The following BTAF1 variants were observed in gnomAD, a reference collection of about 807,000 sequenced individuals.
BTAF1 encodes TATA-binding protein-associated factor 172.
Under a neutral mutation model 227.1 loss-of-function variants are expected in BTAF1, and 38 were observed. The observed-to-expected ratio is 0.17, with a 90% CI of 0.13 to 0.22. BTAF1 has a LOEUF of 0.22. Among genes scored for constraint, BTAF1 ranks in the 10% least tolerant of loss-of-function variants. The pLI is 1.00. For synonymous variants in BTAF1, 742 were observed against 751.9 expected (o/e 0.99, Z 0.21); for missense variants, 1,598 against 2,204.0 (o/e 0.73, Z 5.51).
At chr10:91,993,896 AT>A in intron 22 of BTAF1, 49 bp downstream of exon 22, 1 of 1,395,082 alleles carries the variant, frequency 7.2e-7, no homozygotes, top group East Asian at 2.5e-5. Context: ...TTTAATGTCT[AT>A]TAATTGAATA....
Position 91,984,272 on chromosome 10 carries a change from C to T in BTAF1, c.2295C>T (p.Asp765=), listed in dbSNP as rs555158599. 4.8e-5 allele frequency: 77 copies of T among 1,613,808 alleles called. No individual in the cohort carries two copies. In the South Asian group the frequency reaches 6.0e-4, roughly 13 times the overall value. ...LDILSEHLYY[D]EIAVPFTRMQ... The stretch of plus-strand genomic sequence containing the variant: ...TCCTTTCAGAACATTTATATTATGA[C>T]GAAATTGCCGTTCCATTCACACGAA... Residue 765 remains aspartate (D), a synonymous_variant, in exon 19 of 38, where the codon GAC becomes GAT. Transcript: ENST00000265990.
At chr10:91,953,579 G>A (rs1845906813) in intron 5 of BTAF1, among the ~76,000 whole-genome samples, 158 bp from the exon 6 acceptor site, 1 of 152,140 alleles carries the variant, frequency 6.6e-6, no homozygotes, top group Non-Finnish European at 1.5e-5. Flanking sequence ...TGAAATTATG[G>A]TACAGTCATA....
intron 4 of BTAF1, among the ~76,000 whole-genome samples, chr10:91,944,430 T>C (rs911909296): frequency 1.2e-4 from 18 of 152,240 alleles, no homozygotes; most frequent in Non-Finnish European, 2.6e-4. Flanking sequence ...GGGCTTCGCC[T>C]GGAATGAGAG....
chr10:91,958,602 T>C (rs768504990), intron 8 of BTAF1, among the ~76,000 whole-genome samples: 11 of 151,902 alleles, frequency 7.2e-5, no homozygotes, highest in Non-Finnish European at 1.6e-4. Context: ...CTTGGGGGGC[T>C]TGAGGCAGGA....
chr10:91,939,647 A>G (rs1844863736), intron 2 of BTAF1, among the ~76,000 whole-genome samples: 1 of 152,138 alleles, frequency 6.6e-6, no homozygotes, highest in African/African-American at 2.4e-5. Context: ...CATGTTGGCC[A>G]AGCTGGTCTT....
At chr10:91,974,776 C>T (rs575984023) in intron 14 of BTAF1, among the ~76,000 whole-genome samples, 23 of 152,180 alleles carry the variant, frequency 1.5e-4, no homozygotes, top group African/African-American at 4.3e-4. Context: ...CACTTGAGCC[C>T]GGGAGGCAGA....
At chr10:91,945,793 A>G (rs1411621967) in intron 4 of BTAF1, among the ~76,000 whole-genome samples, 1 of 152,228 alleles carries the variant, frequency 6.6e-6, no homozygotes, top group Non-Finnish European at 1.5e-5. Context: ...TCTTTGGGGT[A>G]TATACCCAGA....
rs1851550153 is a variant in BTAF1 at position 92,026,843 on chromosome 10, G to A, written c.5235+92G>A. ...GAAACCTTGGTTTAGTTCTTGCTCT[G>A]GTGTTAACATACATGTGTTATGACC... is the stretch of plus-strand genomic sequence containing the variant. On this transcript the variant is annotated intron_variant, in intron 36 of 37. Transcript: ENST00000265990. 2.2e-6 allele frequency: 3 copies of A among 1,346,072 alleles called. No individual in the cohort carries two copies. The South Asian group carries it at 4.3e-5, about 19-fold the overall frequency. 83.4% of individuals were successfully genotyped at this position (1,346,072 alleles called of 1,614,324 possible).
intron 1 of BTAF1, among the ~76,000 whole-genome samples, chr10:91,931,535 C>G (rs1426765517): frequency 2.0e-5 from 3 of 152,096 alleles, no homozygotes; most frequent in Non-Finnish European, 4.4e-5. Context: ...GTACTGTGTT[C>G]CCTCAGTCAG....
At chr10:92,008,661 G>C (rs1264420691) in intron 26 of BTAF1, among the ~76,000 whole-genome samples, 168 bp from the exon 27 acceptor site, 1 of 151,938 alleles carries the variant, frequency 6.6e-6, no homozygotes, top group Admixed American at 6.6e-5. Context: ...AAAGCATTTT[G>C]TAAAATCGAT....
At chr10:91,943,338 A>G (rs1249055188) in intron 4 of BTAF1, among the ~76,000 whole-genome samples, 1 of 152,132 alleles carries the variant, frequency 6.6e-6, no homozygotes, top group Non-Finnish European at 1.5e-5. Flanking sequence ...AAAATACCGG[A>G]TAGGTATTGT....
At position 91,981,747 on chromosome 10, in the gene BTAF1, A is replaced by C. The variant is rs1848075513; in HGVS notation, c.1860A>C (p.Leu620Phe). The change falls in exon 16 of 38, where the codon TTA becomes TTC. Residue 620 changes from leucine to phenylalanine, a missense_variant. Leu to Phe is a conservative substitution (Grantham distance 22). Around this residue, in one of 10 missense-constraint regions of BTAF1, gnomAD observed 318 missense variants for 435.0 expected, o/e 0.73. Coordinates refer to ENST00000265990, the MANE Select transcript of BTAF1 (RefSeq NM_003972.3). ...GCTTGATGATGCAGCCTTCTCATTT[A>C]CCTATCGATTTAAATATGTTGCTAG... ...WLCLMMQPSHLPIDLNMLLEV... is the reference protein window; with the variant it reads ...WLCLMMQPSHFPIDLNMLLEV... The C allele has an allele frequency of 1.2e-6, 2 of 1,613,730 alleles. No homozygotes were observed. Among genetic ancestry groups the C allele is most frequent in the East Asian group, 4.5e-5 (2 of 44,868 alleles).
intron 1 of BTAF1, among the ~76,000 whole-genome samples, chr10:91,930,653 C>G (rs936706758): frequency 6.6e-6 from 1 of 152,134 alleles, no homozygotes; most frequent in Non-Finnish European, 1.5e-5. Flanking sequence ...GAAGTTGTTT[C>G]TTTTGACCTT....
chr10:91,981,996 A>T lies in BTAF1; in HGVS notation c.1906-87A>T, dbSNP rs545207848. 11 of 1,446,442 alleles carry T rather than the reference A, an allele frequency of 7.6e-6. No individual in the cohort carries two copies. In the African/African-American group the frequency reaches 1.6e-4, roughly 21 times the overall value. The allele number at this position is 1,446,442 out of a possible 1,614,324, so 89.6% of individuals were successfully genotyped here. A position where few individuals can be genotyped will look rare whatever the true frequency, so the allele number is the denominator to read the frequency against. ...GTGAAAAGAACTGTATTTTACTGGG[A>T]TTATTTTAAAAATATCATATTTTTG... On this transcript the variant is annotated intron_variant, in intron 16 of 37. Transcript: ENST00000265990.
intron 33 of BTAF1, among the ~76,000 whole-genome samples, chr10:92,018,561 G>A (rs1466407892): frequency 6.6e-6 from 1 of 152,130 alleles, no homozygotes; most frequent in African/African-American, 2.4e-5. Context: ...GATATAAACA[G>A]TACAATTTAT....
intron 20 of BTAF1, among the ~76,000 whole-genome samples, chr10:91,989,966 G>A (rs1191493793): frequency 1.3e-5 from 2 of 152,148 alleles, no homozygotes; most frequent in East Asian, 1.9e-4. Context: ...CAACCCTATT[G>A]ACTGAAAAAG....
intron 1 of BTAF1, among the ~76,000 whole-genome samples, chr10:91,928,016 T>C (rs1212148656): frequency 6.7e-6 from 1 of 149,846 alleles, no homozygotes; most frequent in African/African-American, 2.5e-5. Context: ...AGGAAAACTT[T>C]CACTATAGCT....
chr10:92,028,464 T>G (rs535171002), intron 37 of BTAF1, among the ~76,000 whole-genome samples: 1 of 152,314 alleles, frequency 6.6e-6, no homozygotes, highest in East Asian at 1.9e-4. Flanking sequence ...TCTACAACTT[T>G]CTTTCAAATT....
chr10:92,018,555 T>A (rs535694640), intron 33 of BTAF1, among the ~76,000 whole-genome samples: 2 of 152,164 alleles, frequency 1.3e-5, no homozygotes, highest in Non-Finnish European at 2.9e-5. Flanking sequence ...GAGACAGATA[T>A]AAACAGTACA....
Sources: allele counts gnomAD v4.1 joint callset (sites outside exome capture counted in the v4.1 genomes callset), GRCh38; gene constraint gnomAD v4.1.1; regional missense constraint gnomAD v4.1.1; transcripts MANE v1.5; gene names NCBI Gene and HGNC (gene_info 2026-07-23, HGNC 2026-07-21).